The following RAD51B variants were observed in gnomAD, a reference collection of about 807,000 sequenced individuals.
The protein encoded by RAD51B is DNA repair protein RAD51 homolog 2.
RAD51B carries 38 observed loss-of-function variants against 42.2 expected under a neutral mutation model. The observed-to-expected ratio is 0.90, with a 90% CI of 0.70 to 1.18. The LOEUF is 1.18. RAD51B is among the 50% of genes most tolerant of loss of function. The pLI is 0.00. For missense variants in RAD51B, 373 were observed against 400.7 expected (o/e 0.93, Z 0.59); for synonymous variants, 154 against 145.2 (o/e 1.06, Z -0.43).
At chr14:68,385,352 C>T (rs1324254722) in intron 8 of RAD51B, among the ~76,000 whole-genome samples, 1 of 152,148 alleles carries the variant, frequency 6.6e-6, no homozygotes, top group African/African-American at 2.4e-5. Context: ...GATAGATTTT[C>T]GCCTTACACC....
Position 68,586,733 on chromosome 14 carries a change from G to A in RAD51B, c.1037-7752G>A, listed in dbSNP as rs74247306. Among the ~76,000 whole-genome samples, 854 of 152,248 alleles carry A rather than the reference G, an allele frequency of 5.6e-3. 5 individuals carry two copies. Among genetic ancestry groups the A allele is most frequent in the East Asian group, 0.032 (164 of 5,176 alleles). ...GTTGGCTCCTTCCATGGCCGGGTGC[G>A]GTGTTTCACCCCTGTAATCCCAGCA... On this transcript the variant is annotated intron_variant, in intron 10 of 10. Transcript: ENST00000487270.
chr14:68,652,928 C>T (rs928276781), intron 11 of RAD51B, among the ~76,000 whole-genome samples: 1 of 152,146 alleles, frequency 6.6e-6, no homozygotes. Flanking sequence ...ATCACAGGCC[C>T]CTAATTTAAA....
At chr14:68,628,443 C>A (rs1340907840) in intron 10 of RAD51B, 1 of 152,312 alleles carries the variant, frequency 6.6e-6, no homozygotes, top group Non-Finnish European at 1.5e-5. Flanking sequence ...GGGCCGGCGG[C>A]TCCCAGCTCC....
intron 9 of RAD51B, among the ~76,000 whole-genome samples, chr14:68,436,536 G>A (rs2085153148): frequency 6.6e-6 from 1 of 152,120 alleles, no homozygotes; most frequent in Admixed American, 6.5e-5. Context: ...TTTTAGGACA[G>A]TTTTTTGTAA....
At chr14:68,144,719 A>G (rs776437679) in intron 7 of RAD51B, among the ~76,000 whole-genome samples, 1 of 152,156 alleles carries the variant, frequency 6.6e-6, no homozygotes, top group Non-Finnish European at 1.5e-5. Flanking sequence ...ACCTCAAAGC[A>G]TATCTGTATT....
intron 10 of RAD51B, among the ~76,000 whole-genome samples, chr14:68,630,519 G>A (rs955384427): frequency 6.6e-6 from 1 of 152,114 alleles, no homozygotes; most frequent in African/African-American, 2.4e-5. Context: ...TGCACCTCCG[G>A]ACTTGGAGAC....
At chr14:68,617,719 T>C (rs1891853742) in intron 10 of RAD51B, among the ~76,000 whole-genome samples, 1 of 152,220 alleles carries the variant, frequency 6.6e-6, no homozygotes, top group South Asian at 2.1e-4. Flanking sequence ...ATTTACCACA[T>C]GTATTTTCTT....
intron 7 of RAD51B, among the ~76,000 whole-genome samples, chr14:67,990,044 C>G (rs2075268340): frequency 7.2e-6 from 1 of 138,846 alleles, no homozygotes; most frequent in African/African-American, 2.8e-5. Flanking sequence ...TGTCACCAGG[C>G]TGGAGTGCAG....
intron 9 of RAD51B, among the ~76,000 whole-genome samples, chr14:68,423,837 T>G (rs2140114554): frequency 6.6e-6 from 1 of 152,342 alleles, no homozygotes; most frequent in South Asian, 2.1e-4. Context: ...AGTTATTTCC[T>G]TATAACTGTG....
chr14:68,360,551 A>G (rs1252077670), intron 8 of RAD51B, among the ~76,000 whole-genome samples: 2 of 152,198 alleles, frequency 1.3e-5, no homozygotes, highest in Non-Finnish European at 2.9e-5. Context: ...GGTCTTTTTC[A>G]TACTCATCTC....
chr14:68,333,693 CATG>C (rs534544904), intron 8 of RAD51B, among the ~76,000 whole-genome samples: 4 of 152,152 alleles, frequency 2.6e-5, no homozygotes, highest in Non-Finnish European at 5.9e-5. Flanking sequence ...TCATATACAA[CATG>C]ATGTTTTAAA....
At chr14:68,493,390 G>GA (rs142345606) in intron 10 of RAD51B, among the ~76,000 whole-genome samples, 5 of 151,900 alleles carry the variant, frequency 3.3e-5, no homozygotes, top group South Asian at 2.1e-4. Flanking sequence ...CTCCCTCCAA[G>GA]AAAAAAACAG....
intron 10 of RAD51B, among the ~76,000 whole-genome samples, chr14:68,524,799 G>A (rs947776765): frequency 6.6e-6 from 1 of 152,216 alleles, no homozygotes; most frequent in Admixed American, 6.5e-5. Flanking sequence ...CCATTTATGT[G>A]ATTTCCAGTG....
intron 11 of RAD51B, among the ~76,000 whole-genome samples, chr14:68,667,312 G>T (rs1893051817): frequency 6.6e-6 from 1 of 152,200 alleles, no homozygotes; most frequent in African/African-American, 2.4e-5. Flanking sequence ...CAGTCTGGAG[G>T]CAGAATTCCT....
chr14:68,092,323 A>G lies in RAD51B; in HGVS notation c.757-199561A>G, dbSNP rs2077114641. On this transcript the variant is annotated intron_variant, in intron 7 of 10. Transcript: ENST00000471583. ...CATTTTCACAATATTGAGTCTTCCT[A>G]TCCATCAGCATGGAATGTTCTTCCA... Among the ~76,000 whole-genome samples, 4 of 152,320 alleles carry G rather than the reference A, an allele frequency of 2.6e-5. No individual in the cohort carries two copies. The South Asian group carries it at 8.3e-4, about 32-fold the overall frequency.
chr14:68,376,955 A>G (rs1222895773), intron 8 of RAD51B, among the ~76,000 whole-genome samples: 4 of 152,218 alleles, frequency 2.6e-5, no homozygotes, highest in Non-Finnish European at 5.9e-5. Context: ...GCTCCAATAA[A>G]GAGGAGAAAT....
chr14:67,971,532 A>C (rs1252389231), intron 7 of RAD51B, among the ~76,000 whole-genome samples: 1 of 152,122 alleles, frequency 6.6e-6, no homozygotes, highest in Non-Finnish European at 1.5e-5. Context: ...ACTTAGAAGT[A>C]AATTACTATT....
chr14:68,286,141 A>G (rs2081411388), intron 7 of RAD51B, among the ~76,000 whole-genome samples: 1 of 152,294 alleles, frequency 6.6e-6, no homozygotes, highest in African/African-American at 2.4e-5. Flanking sequence ...CTGTCAGTAG[A>G]TCTGAGCTGA....
chr14:68,453,065 CAT>C (rs1334364034), intron 9 of RAD51B, among the ~76,000 whole-genome samples: 2 of 151,956 alleles, frequency 1.3e-5, no homozygotes, highest in African/African-American at 4.8e-5. Context: ...TGTGTGTGCA[CAT>C]GTGTGTGTAT....
Sources: gnomAD v4.1 joint callset for allele counts (sites outside exome capture counted in the v4.1 genomes callset) on GRCh38, gnomAD v4.1.1 for gene constraint, MANE v1.5 for transcripts, NCBI Gene and HGNC (gene_info 2026-07-23, HGNC 2026-07-21) for gene names.